DIP2B: variants seen among roughly 807,000 people sequenced by gnomAD.
DIP2B encodes DIP2 acetate--CoA ligase B (putative).
In DIP2B, 76 loss-of-function variants were observed where a neutral mutation model predicts 198.0. That is an observed-to-expected ratio of 0.38 (90% CI 0.32 to 0.46). The LOEUF is 0.46. Among genes scored for constraint, DIP2B ranks in the 20% least tolerant of loss-of-function variants. The probability of loss-of-function intolerance (pLI) is 0.99; values close to 1 mark genes in which losing one functional copy is unlikely to be tolerated. For synonymous variants in DIP2B, 701 were observed against 739.1 expected, an observed-to-expected ratio of 0.95 and a Z score of 0.84; for missense variants, 1,559 against 1,978.4, an observed-to-expected ratio of 0.79 and a Z score of 4.02.
intron 2 of DIP2B, among the ~76,000 whole-genome samples, chr12:50,636,728 C>A (rs990756240): frequency 2.0e-5 from 3 of 152,182 alleles, no homozygotes; most frequent in East Asian, 3.9e-4. Context: ...GGAGGAGGAG[C>A]CAGGTACTCT....
intron 2 of DIP2B, among the ~76,000 whole-genome samples, chr12:50,638,453 T>C (rs1415104159): frequency 6.6e-6 from 1 of 152,264 alleles, no homozygotes; most frequent in Non-Finnish European, 1.5e-5. Flanking sequence ...TGTTCTTTTA[T>C]CACTTGGCAT....
At chr12:50,525,357 C>A (rs1234974155) in intron 1 of DIP2B, among the ~76,000 whole-genome samples, 5 of 105,842 alleles carry the variant, frequency 4.7e-5, no homozygotes, top group South Asian at 3.1e-4. Context: ...GACTCCATCT[C>A]AAAAAAAAAA....
At chr12:50,679,359 C>A in intron 8 of DIP2B, 1 of 166,454 alleles carries the variant, frequency 6.0e-6, no homozygotes, top group South Asian at 1.5e-4. Flanking sequence ...AAAATGGGGT[C>A]AACCCTGGGC....
At chr12:50,727,066 C>T (rs1481445020) in intron 28 of DIP2B, among the ~76,000 whole-genome samples, 1 of 152,008 alleles carries the variant, frequency 6.6e-6, no homozygotes, top group Non-Finnish European at 1.5e-5. Flanking sequence ...TGCAGTGACC[C>T]GAGATCGAGC....
intron 35 of DIP2B, among the ~76,000 whole-genome samples, chr12:50,738,969 G>A (rs1372744511): frequency 1.3e-5 from 2 of 152,134 alleles, no homozygotes; most frequent in Non-Finnish European, 2.9e-5. Context: ...ACACCCCATG[G>A]TGTTTCCCTG....
At chr12:50,593,245 G>A (rs1380847228) in intron 1 of DIP2B, among the ~76,000 whole-genome samples, 4 of 152,140 alleles carry the variant, frequency 2.6e-5, no homozygotes, top group East Asian at 1.9e-4. Flanking sequence ...AGTGGCTCAC[G>A]CCTGTAATCC....
chr12:50,540,788 C>T lies in DIP2B; in HGVS notation c.100+35548C>T, dbSNP rs183526465. 5.0e-3 allele frequency among the ~76,000 whole-genome samples: 750 copies of T among 150,458 alleles called. 21 individuals carry two copies. The highest frequency in any genetic ancestry group is 0.045 in the Admixed American group (683 of 15,090). Reference sequence around the variant, plus strand: ...TCCTGACCTCGTGATCCGCCCGCCTCGGCCTCCCAAAGTGCTGGGATTACA... The same window carrying T: ...TCCTGACCTCGTGATCCGCCCGCCTTGGCCTCCCAAAGTGCTGGGATTACA... On this transcript the variant is annotated intron_variant, in intron 1 of 37. Coordinates refer to ENST00000301180, the MANE Select transcript of DIP2B (RefSeq NM_173602.3).
chr12:50,511,712 G>A lies in DIP2B; in HGVS notation c.100+6472G>A, dbSNP rs149634419. Among the ~76,000 whole-genome samples the A allele has an allele frequency of 5.2e-3, 783 of 151,856 alleles. 44 individuals are homozygous for A. The East Asian group carries it at 0.11, about 21-fold the overall frequency. ...CACCTGTAATCCCAGCACTTTGGGA[G>A]GCCGAGGAGGGCGGATCACAAGGTC... On this transcript the variant is annotated intron_variant, in intron 1 of 37. Coordinates refer to ENST00000301180, the MANE Select transcript of DIP2B (RefSeq NM_173602.3).
intron 7 of DIP2B, among the ~76,000 whole-genome samples, chr12:50,677,344 G>A (rs567934033): frequency 2.2e-4 from 33 of 152,206 alleles, no homozygotes; most frequent in South Asian, 4.2e-4. Context: ...GCATTTGGCC[G>A]GGCGCGGTGG....
intron 1 of DIP2B, among the ~76,000 whole-genome samples, chr12:50,549,134 T>C (rs1180233956): frequency 6.6e-6 from 1 of 151,438 alleles, no homozygotes; most frequent in Non-Finnish European, 1.5e-5. Flanking sequence ...AATTCTTCTA[T>C]TGAGCAAGAG....
chr12:50,697,839 A>G (rs774439622), intron 17 of DIP2B, among the ~76,000 whole-genome samples: 10 of 151,630 alleles, frequency 6.6e-5, no homozygotes, highest in Non-Finnish European at 1.3e-4. Flanking sequence ...CCAGTACGCA[A>G]TACTTGATGA....
At chr12:50,556,374 C>T (rs987485981) in intron 1 of DIP2B, among the ~76,000 whole-genome samples, 1 of 152,022 alleles carries the variant, frequency 6.6e-6, no homozygotes, top group African/African-American at 2.4e-5. Context: ...CGAGCCCGGC[C>T]GACTCCTCAT....
Position 50,505,243 on chromosome 12 carries a change from A to T in DIP2B, c.100+3A>T. 1 of 1,508,718 alleles carries T rather than the reference A, an allele frequency of 6.6e-7. No homozygotes were observed. Among genetic ancestry groups the T allele is most frequent in the Non-Finnish European group, 8.8e-7 (1 of 1,134,904 alleles). 93.5% of individuals were successfully genotyped at this position (1,508,718 alleles called of 1,614,324 possible). ...GCTGGAGCTGGAGCTCTCGGAGGGTAGGAGCCGGGCCGGGGAGAGGGCGCC... is the reference window on the plus strand; with the variant it reads ...GCTGGAGCTGGAGCTCTCGGAGGGTTGGAGCCGGGCCGGGGAGAGGGCGCC... On this transcript the variant is annotated splice_donor_region_variant and intron_variant, in intron 1 of 37. Transcript: ENST00000301180.
chr12:50,621,251 A>G (rs1593662331), intron 1 of DIP2B, among the ~76,000 whole-genome samples: 1 of 152,198 alleles, frequency 6.6e-6, no homozygotes, highest in Admixed American at 6.5e-5. Flanking sequence ...GGATGTATCT[A>G]TATCTGGCTT....
At chr12:50,736,948 C>T in intron 34 of DIP2B, 88 bp from the exon 35 acceptor site, 12 of 1,318,106 alleles carry the variant, frequency 9.1e-6, no homozygotes, top group Non-Finnish European at 1.3e-5. Context: ...GCCTCTCTCA[C>T]CTCTCCAGCA....
intron 1 of DIP2B, among the ~76,000 whole-genome samples, chr12:50,526,560 C>T (rs1378234739): frequency 1.3e-5 from 2 of 149,254 alleles, no homozygotes; most frequent in African/African-American, 2.5e-5. Flanking sequence ...GCTCCCTGAA[C>T]AGGAGGCAGA....
intron 2 of DIP2B, among the ~76,000 whole-genome samples, chr12:50,640,361 G>A (rs990766135): frequency 2.0e-5 from 3 of 152,172 alleles, no homozygotes; most frequent in East Asian, 1.9e-4. Context: ...AGTGACTGAC[G>A]GTATGGTAGC....
Position 50,728,673 on chromosome 12 carries a change from C to T in DIP2B, c.3636C>T (p.Leu1212=). 6.2e-7 allele frequency: 1 copy of T among 1,613,782 alleles called. No individual in the cohort carries two copies. Among genetic ancestry groups the T allele is most frequent in the Non-Finnish European group, 8.5e-7 (1 of 1,179,930 alleles). ...GACTTGGCTTCGCGCTCTGGTGTCT[C>T]TGCAGGTAGGGATGGAAAAGCCAAG... ...YCGLGFALWC[L]CSVYSGHQSV... Residue 1212 remains leucine, a synonymous_variant, in exon 30 of 38, where the codon CTC becomes CTT. Coordinates refer to ENST00000301180, the MANE Select transcript of DIP2B (RefSeq NM_173602.3).
intron 20 of DIP2B, 54 bp downstream of exon 20, chr12:50,704,274 T>C: frequency 6.4e-7 from 1 of 1,565,302 alleles, no homozygotes; most frequent in Non-Finnish European, 8.7e-7. Flanking sequence ...TATTTGGACT[T>C]TAATTCACAG....
Sources: allele counts gnomAD v4.1 joint callset (sites outside exome capture counted in the v4.1 genomes callset), GRCh38; gene constraint gnomAD v4.1.1; transcripts MANE v1.5; gene names NCBI Gene and HGNC (gene_info 2026-07-23, HGNC 2026-07-21).